PUM3: variants seen among roughly 807,000 people sequenced by gnomAD.
PUM3 encodes the protein pumilio RNA binding family member 3, also known as pumilio homolog 3.
In PUM3, 91 loss-of-function variants were observed where a neutral mutation model predicts 84.0. That is an observed-to-expected ratio of 1.08 (90% CI 0.91 to 1.29). The LOEUF is 1.29. Among genes scored for constraint, PUM3 ranks in the 50% most tolerant of loss-of-function variants. PUM3 has a pLI of 0.00. For synonymous variants in PUM3, 321 were observed against 266.7 expected (o/e 1.20, Z -1.98); for missense variants, 1,067 against 767.5 (o/e 1.39, Z -4.61).
intron 8 of PUM3, among the ~76,000 whole-genome samples, 161 bp from the exon 9 acceptor site, chr9:2,828,939 T>C (rs941711081): frequency 2.0e-5 from 3 of 152,248 alleles, no homozygotes; most frequent in Admixed American, 6.5e-5. Flanking sequence ...TGGAGTAACC[T>C]GATTAGCTGA....
rs528593167 is a variant in PUM3 at position 2,838,529 on chromosome 9, A to G, written c.-10-12T>C. The G allele has an allele frequency of 1.8e-5, 28 of 1,531,878 alleles. No individual in the cohort carries two copies. The African/African-American group carries it at 3.4e-4, about 19-fold the overall frequency. 94.9% of individuals were successfully genotyped at this position (1,531,878 alleles called of 1,614,324 possible). ...CCATCGTAGCAACTCTGGAAAACCA[A>G]AACCAAAACCAAAAACAATCACTGC... On this transcript the variant is annotated splice_polypyrimidine_tract_variant and intron_variant, in intron 1 of 17. Transcript: ENST00000397885.
chr9:2,823,881 G>T, intron 11 of PUM3, 47 bp from the exon 12 acceptor site: 2 of 1,001,256 alleles, frequency 2.0e-6, no homozygotes, highest in South Asian at 1.7e-5. Context: ...TATGTATTAA[G>T]GGTATTTTGT....
At chr9:2,808,632 G>A (rs968117629) in intron 16 of PUM3, among the ~76,000 whole-genome samples, 11 of 152,188 alleles carry the variant, frequency 7.2e-5, no homozygotes, top group Admixed American at 6.5e-4. Context: ...ATACCTGAAT[G>A]TAAGGACTCT....
Position 2,828,519 on chromosome 9 carries a change from C to A in PUM3, c.956+156G>T. Reference sequence around the variant, plus strand: ...TCAGAAAAAGAAATCTCCTTTTGCACCAAGAATGGTTTCAAACCAACACTT... The same window carrying A: ...TCAGAAAAAGAAATCTCCTTTTGCAACAAGAATGGTTTCAAACCAACACTT... On this transcript the variant is annotated intron_variant, in intron 9 of 17. Transcript: ENST00000397885. The A allele has an allele frequency of 5.2e-6, 3 of 571,816 alleles. No individual in the cohort carries two copies. In the South Asian group the frequency reaches 7.0e-5, roughly 13 times the overall value. 35.4% of individuals were successfully genotyped at this position (571,816 alleles called of 1,614,324 possible). A position where few individuals can be genotyped will look rare whatever the true frequency, so the allele number is the denominator to read the frequency against.
intron 1 of PUM3, among the ~76,000 whole-genome samples, chr9:2,843,088 C>T (rs1816310860): frequency 6.6e-6 from 1 of 152,170 alleles, no homozygotes; most frequent in South Asian, 2.1e-4. Flanking sequence ...AGGGCCTATT[C>T]ATGATTCTCA....
rs1260209678 is a variant in PUM3 at position 2,841,694 on chromosome 9, C to T, written c.-11+2351G>A. On this transcript the variant is annotated intron_variant, in intron 1 of 17. Coordinates refer to ENST00000397885, the MANE Select transcript of PUM3 (RefSeq NM_014878.5). ...CATTCAAGTCAGTGTATTCTGCCTG[C>T]AGCAATTACTGCTGCAGGCCAAAAA... is the stretch of plus-strand genomic sequence containing the variant. Among the ~76,000 whole-genome samples, 3 of 148,890 alleles carry T rather than the reference C, an allele frequency of 2.0e-5. No homozygotes were observed. In the East Asian group the frequency reaches 5.9e-4, roughly 29 times the overall value.
rs973652305 is a variant in PUM3 at position 2,826,968 on chromosome 9, C to T, written c.1035+105G>A. The T allele has an allele frequency of 1.0e-5, 8 of 789,456 alleles. No homozygotes were observed. In the Admixed American group the frequency reaches 1.8e-4, roughly 18 times the overall value. The allele number at this position is 789,456 out of a possible 1,614,324, so 48.9% of individuals were successfully genotyped here. A position where few individuals can be genotyped will look rare whatever the true frequency, so the allele number is the denominator to read the frequency against. On this transcript the variant is annotated intron_variant, in intron 10 of 17. Transcript: ENST00000397885. Reference sequence around the variant, plus strand: ...AAATTATCTTCCCTAAATAAGGAAGCAACTCTAAAATTTCCACAAGACAAC... The same window carrying T: ...AAATTATCTTCCCTAAATAAGGAAGTAACTCTAAAATTTCCACAAGACAAC...
Position 2,831,319 on chromosome 9 carries a change from C to T in PUM3, c.542G>A (p.Arg181His), listed in dbSNP as rs1460072058. 3.7e-6 allele frequency: 6 copies of T among 1,607,402 alleles called. No individual in the cohort carries two copies. The highest frequency in any genetic ancestry group is 2.2e-5 in the South Asian group (2 of 89,298). The part of the protein sequence containing the change: ...KTIAFAHDST[R>H]VIQCYIQYGN... ...ATACTGAATGTAACACTGGATCACA[C>T]GAGTTGAATCGTGTGCAAATGCAAT... Residue 181 changes from arginine to histidine, a missense_variant, in exon 6 of 18, where the codon CGT becomes CAT. Arg to His is a conservative substitution (Grantham distance 29, BLOSUM62 0). Transcript: ENST00000397885.
chr9:2,806,269 A>T (rs1443906772), intron 17 of PUM3, among the ~76,000 whole-genome samples: 1 of 152,254 alleles, frequency 6.6e-6, no homozygotes, highest in East Asian at 1.9e-4. Context: ...AAGTTCATGT[A>T]TCAGCTAACG....
chr9:2,807,433 C>T (rs759498781), intron 17 of PUM3, among the ~76,000 whole-genome samples: 2 of 150,894 alleles, frequency 1.3e-5, no homozygotes, highest in Non-Finnish European at 3.0e-5. Flanking sequence ...CCCATCTCTA[C>T]AAAAAATAAA....
At chr9:2,821,910 T>C (rs1815650772) in intron 12 of PUM3, among the ~76,000 whole-genome samples, 1 of 152,158 alleles carries the variant, frequency 6.6e-6, no homozygotes, top group Non-Finnish European at 1.5e-5. Context: ...AGGCACACGA[T>C]GAAATATTAC....
At chr9:2,841,349 G>A (rs1019578495) in intron 1 of PUM3, among the ~76,000 whole-genome samples, 1 of 152,156 alleles carries the variant, frequency 6.6e-6, no homozygotes, top group African/African-American at 2.4e-5. Context: ...TTGGGAGGCT[G>A]AGGCAGGTGG....
chr9:2,810,246 T>C (rs1821337756), intron 16 of PUM3, 98 bp downstream of exon 16: 1 of 783,500 alleles, frequency 1.3e-6, no homozygotes, highest in African/African-American at 1.7e-5. Flanking sequence ...CTTGGCAAAC[T>C]TCATTTGAGC....
rs969865262 is a variant in PUM3, at chr9:2,831,129, A to T, written c.611-101T>A. 6.1e-6 allele frequency: 6 copies of T among 989,366 alleles called. No homozygotes were observed. In the African/African-American group the frequency reaches 6.6e-5, roughly 11 times the overall value. The allele number at this position is 989,366 out of a possible 1,614,324, so 61.3% of individuals were successfully genotyped here. On this transcript the variant is annotated intron_variant, in intron 6 of 17. Transcript: ENST00000397885. ...CCAGGCAAGGAAAAAATAAAAACAA[A>T]AAAGGATCTGGAGAAGACAAACCTA...
In PUM3 at chr9:2,824,731, G is replaced by C; in HGVS notation, c.1120C>G (p.His374Asp). ...GTCACACTTACCTTGGGCGTGCCAT[G>C]CCACAGGCAGTGCATGGCCACTCTG... ...GARVAMHCLW[H>D]GTPKDRKVIV... is the part of the protein sequence containing the mutation. Residue 374 changes from histidine (H) to aspartate (D), a missense_variant, in exon 11 of 18, where the codon CAT (histidine) becomes GAT (aspartate). By Grantham distance (81) the His-to-Asp change is moderately conservative. Transcript: ENST00000397885. 6.4e-7 allele frequency: 1 copy of C among 1,556,586 alleles called. No homozygotes were observed. The highest frequency in any genetic ancestry group is 8.8e-7 in the Non-Finnish European group (1 of 1,142,742).
At chr9:2,828,848 T>C (rs894818991) in intron 8 of PUM3, 70 bp from the exon 9 acceptor site, 3 of 842,288 alleles carry the variant, frequency 3.6e-6, no homozygotes, top group African/African-American at 1.8e-5. Context: ...AAAAGAAAAG[T>C]AATTAGTCAT....
chr9:2,836,729 C>G (rs1352936955), intron 3 of PUM3, among the ~76,000 whole-genome samples: 1 of 152,066 alleles, frequency 6.6e-6, no homozygotes, highest in South Asian at 2.1e-4. Flanking sequence ...TGACACTTAG[C>G]TGGGGACAGA....
chr9:2,829,609 T>C (rs1485988747), intron 8 of PUM3, among the ~76,000 whole-genome samples, 165 bp downstream of exon 8: 1 of 152,164 alleles, frequency 6.6e-6, no homozygotes, highest in Non-Finnish European at 1.5e-5. Context: ...TTGCTCACTA[T>C]ACCAGAAACA....
intron 5 of PUM3, among the ~76,000 whole-genome samples, chr9:2,831,689 G>C (rs1199531816): frequency 6.6e-6 from 1 of 152,022 alleles, no homozygotes; most frequent in Non-Finnish European, 1.5e-5. Context: ...GTCCCTAAAA[G>C]GGAAATATTT....
Sources: gnomAD v4.1 joint callset for allele counts (sites outside exome capture counted in the v4.1 genomes callset) on GRCh38, gnomAD v4.1.1 for gene constraint, MANE v1.5 for transcripts, NCBI Gene and HGNC (gene_info 2026-07-23, HGNC 2026-07-21) for gene names.